The following TLK2 variants were observed in gnomAD, a reference collection of about 807,000 sequenced individuals.
TLK2 encodes the protein serine/threonine-protein kinase tousled-like 2.
A neutral mutation model predicts 117.3 loss-of-function variants in TLK2; 6 were observed. The observed-to-expected ratio is 0.05, with a 90% CI of 0.03 to 0.10. The LOEUF (loss-of-function observed/expected upper bound fraction) is 0.10, where lower values mean the gene tolerates loss of function less well. Ranked by LOEUF, TLK2 falls within the 10% of genes least tolerant of loss-of-function variation. The probability of loss-of-function intolerance (pLI) is 1.00; values close to 1 mark genes in which losing one functional copy is unlikely to be tolerated. For synonymous variants in TLK2, 257 were observed against 316.7 expected, an observed-to-expected ratio of 0.81 and a Z score of 2.00; for missense variants, 299 against 901.2, an observed-to-expected ratio of 0.33 and a Z score of 8.56.
intron 14 of TLK2, 45 bp from the exon 15 acceptor site, chr17:62,580,066 T>G: frequency 6.5e-7 from 1 of 1,535,176 alleles, no homozygotes; most frequent in African/African-American, 1.4e-5. Flanking sequence ...CGTGGAAGAC[T>G]GTAGTCCATG....
At chr17:62,557,943 A>G (rs2078978693) in intron 9 of TLK2, among the ~76,000 whole-genome samples, 1 of 152,216 alleles carries the variant, frequency 6.6e-6, no homozygotes, top group African/African-American at 2.4e-5. Flanking sequence ...GTAGAGCAGT[A>G]CTAAAGGAGT....
chr17:62,582,387 A>T (rs768253926), intron 15 of TLK2, among the ~76,000 whole-genome samples: 35 of 152,126 alleles, frequency 2.3e-4, no homozygotes, highest in Non-Finnish European at 3.8e-4. Flanking sequence ...ATTTTTTAAA[A>T]ATATTTTCCA....
intron 4 of TLK2, among the ~76,000 whole-genome samples, chr17:62,522,562 T>C (rs977538214): frequency 2.0e-5 from 3 of 152,224 alleles, no homozygotes; most frequent in Admixed American, 6.5e-5. Context: ...AAAGAGGTTA[T>C]GTCAGAGTTT....
intron 10 of TLK2, among the ~76,000 whole-genome samples, chr17:62,563,247 A>G (rs2079443124): frequency 6.6e-6 from 1 of 152,210 alleles, no homozygotes; most frequent in Non-Finnish European, 1.5e-5. Flanking sequence ...CACATATATA[A>G]GGAAACCTAT....
chr17:62,478,778 A>C (rs1305636114), upstream of TLK2, among the ~76,000 whole-genome samples: 2 of 134,442 alleles, frequency 1.5e-5, no homozygotes, highest in Non-Finnish European at 3.2e-5. Context: ...CAGCCGTGCA[A>C]ATCTCGCGAG....
intron 2 of TLK2, among the ~76,000 whole-genome samples, chr17:62,489,556 A>G (rs2072882812): frequency 6.6e-6 from 1 of 152,032 alleles, no homozygotes; most frequent in South Asian, 2.1e-4. Flanking sequence ...TTGAGCAGCT[A>G]ATGCAGAGTT....
At chr17:62,590,392 T>C (rs749895760) in intron 16 of TLK2, among the ~76,000 whole-genome samples, 13 of 152,020 alleles carry the variant, frequency 8.6e-5, no homozygotes, top group Non-Finnish European at 1.8e-4. Flanking sequence ...TGAGCCAAGA[T>C]CGCGCCACTG....
At chr17:62,501,566 T>C (rs2074198245) in intron 2 of TLK2, among the ~76,000 whole-genome samples, 1 of 149,012 alleles carries the variant, frequency 6.7e-6, no homozygotes, top group African/African-American at 2.5e-5. Flanking sequence ...AATACAAAAA[T>C]ACTAAAATAC....
At chr17:62,598,092 A>G (rs758849256) in intron 17 of TLK2, among the ~76,000 whole-genome samples, 2 of 152,140 alleles carry the variant, frequency 1.3e-5, no homozygotes, top group Non-Finnish European at 2.9e-5. Flanking sequence ...ATTTCTTCTC[A>G]TTTGGGTAGC....
chr17:62,501,625 A>G (rs1230190865), intron 2 of TLK2, among the ~76,000 whole-genome samples: 2 of 151,932 alleles, frequency 1.3e-5, no homozygotes, highest in Non-Finnish European at 2.9e-5. Context: ...AAGAATGAGA[A>G]TCTGAATAAC....
chr17:62,513,710 A>AT (rs1353405140), intron 2 of TLK2, among the ~76,000 whole-genome samples: 1 of 151,924 alleles, frequency 6.6e-6, no homozygotes, highest in Non-Finnish European at 1.5e-5. Context: ...GTTTTTTGGG[A>AT]TGGAGTCTGG....
At chr17:62,562,514 A>G (rs981086416) in intron 10 of TLK2, among the ~76,000 whole-genome samples, 7 of 152,216 alleles carry the variant, frequency 4.6e-5, no homozygotes, top group Non-Finnish European at 1.0e-4. Context: ...TAGTTTACAA[A>G]AAAAGAGTGT....
intron 10 of TLK2, among the ~76,000 whole-genome samples, chr17:62,563,820 C>A (rs905695878): frequency 6.6e-6 from 1 of 152,104 alleles, no homozygotes; most frequent in Non-Finnish European, 1.5e-5. Context: ...GAATGATGTT[C>A]TCAAGAATCA....
chr17:62,593,919 A>G (rs867086427), intron 16 of TLK2, among the ~76,000 whole-genome samples: 21 of 151,114 alleles, frequency 1.4e-4, no homozygotes, highest in African/African-American at 4.1e-4. Context: ...CAGCCTCCCA[A>G]ATAGCTGGGA....
rs949462271 is a variant in TLK2, at chr17:62,571,985, T to A, written c.969-1230T>A. Among the ~76,000 whole-genome samples, 3 of 151,990 alleles carry A rather than the reference T, an allele frequency of 2.0e-5. No homozygotes were observed. The East Asian group carries it at 5.8e-4, about 29-fold the overall frequency. On this transcript the variant is annotated intron_variant, in intron 11 of 21. Coordinates refer to ENST00000346027, the MANE Select transcript of TLK2 (RefSeq NM_006852.6). ...GAGTTTGAGACCAGCCTAGCCAACA[T>A]GATGAAACCCTGTCTCTACTAAAAC...
At chr17:62,477,360 C>T (rs2071083984), upstream of TLK2, 1 of 152,192 alleles carries the variant, frequency 6.6e-6, no homozygotes, top group Non-Finnish European at 1.5e-5. Flanking sequence ...GTCCAACTTC[C>T]CAAGCAGTCT....
intron 3 of TLK2, among the ~76,000 whole-genome samples, 151 bp from the exon 4 acceptor site, chr17:62,522,048 TTGTTA>T (rs2076081048): frequency 1.3e-5 from 2 of 152,186 alleles, no homozygotes; most frequent in African/African-American, 2.4e-5. Context: ...CTAATACTCT[TTGTTA>T]TACTCAGTTT....
Position 62,612,361 on chromosome 17 carries a change from GCC to G in TLK2, c.2080-30_2080-29del, listed in dbSNP as rs772751359. The G allele has an allele frequency of 1.0e-5, 16 of 1,603,406 alleles. No individual in the cohort carries two copies. The South Asian group carries it at 1.7e-4, about 17-fold the overall frequency. Reference sequence around the variant, plus strand: ...CCCTCCAGGGGTGCCAAGACTATCTGCCTCTGTCTTCAAGAAACTCTCCTTTG... The same window carrying G: ...CCCTCCAGGGGTGCCAAGACTATCTGTCTGTCTTCAAGAAACTCTCCTTTG... On this transcript the variant is annotated intron_variant, in intron 21 of 21. Coordinates refer to ENST00000346027, the MANE Select transcript of TLK2 (RefSeq NM_006852.6).
At chr17:62,605,945 C>T (rs2083261976) in intron 19 of TLK2, among the ~76,000 whole-genome samples, 185 bp from the exon 20 acceptor site, 1 of 143,522 alleles carries the variant, frequency 7.0e-6, no homozygotes, top group Non-Finnish European at 1.5e-5. Flanking sequence ...AGGTTGAGGC[C>T]GTAATGAGCC....
Sources: allele counts gnomAD v4.1 joint callset (sites outside exome capture counted in the v4.1 genomes callset), GRCh38; gene constraint gnomAD v4.1.1; transcripts MANE v1.5; gene names NCBI Gene and HGNC (gene_info 2026-07-23, HGNC 2026-07-21).